The following SASH1 variants were observed in gnomAD, a reference collection of about 807,000 sequenced individuals.
SASH1 encodes the protein SAM and SH3 domain containing 1, also known as SAM and SH3 domain-containing protein 1.
A neutral mutation model predicts 125.2 loss-of-function variants in SASH1; 44 were observed. The observed-to-expected ratio is 0.35, with a 90% CI of 0.28 to 0.45. The LOEUF is 0.45. Among genes scored for constraint, SASH1 ranks in the 20% least tolerant of loss-of-function variants. SASH1 has a pLI of 1.00. For missense variants in SASH1, 1,426 were observed against 1,614.5 expected (o/e 0.88, Z 2.00); for synonymous variants, 639 against 649.1 (o/e 0.98, Z 0.24).
At chr6:148,464,871 T>G (rs1242413425) in intron 4 of SASH1, among the ~76,000 whole-genome samples, 1 of 152,126 alleles carries the variant, frequency 6.6e-6, no homozygotes, top group African/African-American at 2.4e-5. Context: ...GGTGAACTTG[T>G]GAAATTTTAA....
chr6:148,389,844 C>T (rs945266503), intron 1 of SASH1, among the ~76,000 whole-genome samples: 22 of 152,280 alleles, frequency 1.4e-4, no homozygotes, highest in African/African-American at 3.8e-4. Flanking sequence ...CCAGACCGTC[C>T]GAGGTTGGAG....
intron 1 of SASH1, among the ~76,000 whole-genome samples, chr6:148,296,442 A>G (rs1779767825): frequency 6.6e-6 from 1 of 152,186 alleles, no homozygotes; most frequent in Non-Finnish European, 1.5e-5. Flanking sequence ...TATTATTATC[A>G]TTAAGTATGT....
intron 1 of SASH1, among the ~76,000 whole-genome samples, chr6:148,301,463 G>A (rs201297116): frequency 4.6e-5 from 7 of 152,060 alleles, no homozygotes; most frequent in African/African-American, 7.2e-5. Flanking sequence ...ACAGGGTTTC[G>A]CCATGTTGGC....
In SASH1 at chr6:148,514,457, G is replaced by GAAAAAAAAAA. The variant is rs1355338915; in HGVS notation, c.862+1_862+2insAAAAAAAAAA. The stretch of plus-strand genomic sequence containing the variant: ...GAAATGAAAAAACCCAGCACTGAAG[G>GAAAAAAAAAA]TAAAAAAAAAAAAAAAAAAAAAAAA... On this transcript the variant is annotated splice_donor_variant, in intron 9 of 19. Transcript: ENST00000367467. LOFTEE classifies it high-confidence loss of function. 1.4e-5 allele frequency: 3 copies of GAAAAAAAAAA among 213,872 alleles called. No homozygotes were observed. The highest frequency in any genetic ancestry group is 1.1e-4 in the South Asian group (1 of 9,150). The allele number at this position is 213,872 out of a possible 1,614,324, so 13.2% of individuals were successfully genotyped here.
intron 1 of SASH1, among the ~76,000 whole-genome samples, chr6:148,349,623 T>G (rs1781650278): frequency 6.6e-6 from 1 of 152,090 alleles, no homozygotes; most frequent in South Asian, 2.1e-4. Flanking sequence ...GGAAGGAGAC[T>G]ACTTTAGTGA....
At position 148,387,619 on chromosome 6, in the gene SASH1, TC is replaced by T. The variant is rs1262558859; in HGVS notation, c.157-2514del. ...TTCTTTCTTTCTTTCTTTCTTTCTT[TC>T]TTTCTTTCTTTCTTTCTTTCTTTCT... is the stretch of plus-strand genomic sequence containing the variant. On this transcript the variant is annotated intron_variant, in intron 1 of 19. Coordinates refer to ENST00000367467, the MANE Select transcript of SASH1 (RefSeq NM_015278.5). 5.2e-5 allele frequency among the ~76,000 whole-genome samples: 2 copies of T among 38,656 alleles called. 1 individual carries two copies. The highest frequency in any genetic ancestry group is 1.0e-4 in the Non-Finnish European group (2 of 19,640). 25.4% of individuals were successfully genotyped at this position (38,656 alleles called of 152,430 possible). A position where few individuals can be genotyped will look rare whatever the true frequency, so the allele number is the denominator to read the frequency against.
intron 1 of SASH1, among the ~76,000 whole-genome samples, chr6:148,289,263 G>A (rs1387596798): frequency 6.6e-6 from 1 of 151,140 alleles, no homozygotes. Context: ...TGAGTTGATG[G>A]AAGGCAAGAA....
intron 1 of SASH1, among the ~76,000 whole-genome samples, chr6:148,327,045 A>G (rs1780849910): frequency 6.6e-6 from 1 of 151,986 alleles, no homozygotes; most frequent in Non-Finnish European, 1.5e-5. Flanking sequence ...AAGGGGTTCA[A>G]CCCCTTCATG....
intron 2 of SASH1, among the ~76,000 whole-genome samples, chr6:148,399,050 C>T (rs531423555): frequency 6.6e-6 from 1 of 151,996 alleles, no homozygotes; most frequent in East Asian, 1.9e-4. Context: ...TTTTATTAAC[C>T]CTGCAGTCAG....
intron 4 of SASH1, among the ~76,000 whole-genome samples, chr6:148,448,109 G>GTA (rs1562418947): frequency 6.8e-6 from 1 of 147,644 alleles, no homozygotes; most frequent in African/African-American, 2.5e-5. Flanking sequence ...CTATTGCAGT[G>GTA]GAGAGAGTGT....
chr6:148,435,178 G>A (rs1776242489), intron 2 of SASH1, among the ~76,000 whole-genome samples: 3 of 152,098 alleles, frequency 2.0e-5, no homozygotes, highest in Admixed American at 1.3e-4. Flanking sequence ...CTGGCCAAGA[G>A]ACCAGCCTGG....
At chr6:148,379,067 A>G (rs1302416154) in intron 1 of SASH1, among the ~76,000 whole-genome samples, 4 of 152,206 alleles carry the variant, frequency 2.6e-5, no homozygotes, top group Non-Finnish European at 5.9e-5. Context: ...TCAGGGTCAC[A>G]GTTTTCAAAA....
intron 4 of SASH1, among the ~76,000 whole-genome samples, chr6:148,447,807 C>A (rs534550973): frequency 6.6e-6 from 1 of 152,080 alleles, no homozygotes; most frequent in Admixed American, 6.6e-5. Context: ...CACCTTAGCC[C>A]TTGCTATGTG....
chr6:148,493,645 C>T (rs1562456642), intron 8 of SASH1, among the ~76,000 whole-genome samples: 2 of 152,166 alleles, frequency 1.3e-5, no homozygotes, highest in Non-Finnish European at 2.9e-5. Context: ...TTCCCCACCC[C>T]AATCGCTGAA....
chr6:148,489,222 G>A (rs936246927), intron 8 of SASH1, among the ~76,000 whole-genome samples: 2 of 152,142 alleles, frequency 1.3e-5, no homozygotes, highest in African/African-American at 4.8e-5. Context: ...TTGTTGAAAA[G>A]ACTGTCCTTT....
At chr6:148,438,811 GT>G (rs1379666672) in intron 2 of SASH1, among the ~76,000 whole-genome samples, 1 of 149,520 alleles carries the variant, frequency 6.7e-6, no homozygotes, top group African/African-American at 2.5e-5. Flanking sequence ...TTACCCAAGT[GT>G]GCGGTGCAGC....
intron 2 of SASH1, among the ~76,000 whole-genome samples, chr6:148,415,282 C>T (rs564330937): frequency 6.6e-6 from 1 of 152,178 alleles, no homozygotes; most frequent in Admixed American, 6.6e-5. Flanking sequence ...TCTAAAGGGG[C>T]CTGGGCACTG....
chr6:148,400,479 G>T (rs1198911314), intron 2 of SASH1, among the ~76,000 whole-genome samples: 1 of 152,230 alleles, frequency 6.6e-6, no homozygotes, highest in African/African-American at 2.4e-5. Context: ...GCTGGGCCTG[G>T]TGGCTCATGC....
At chr6:148,521,420 T>C (rs1780803309) in intron 10 of SASH1, among the ~76,000 whole-genome samples, 1 of 152,254 alleles carries the variant, frequency 6.6e-6, no homozygotes, top group Non-Finnish European at 1.5e-5. Flanking sequence ...CGGGTTCTGC[T>C]TTTGTGAAAG....
Sources: allele counts gnomAD v4.1 joint callset (sites outside exome capture counted in the v4.1 genomes callset), GRCh38; gene constraint gnomAD v4.1.1; transcripts MANE v1.5; gene names NCBI Gene and HGNC (gene_info 2026-07-23, HGNC 2026-07-21).